The following AGBL4 variants were observed in gnomAD, a reference collection of about 807,000 sequenced individuals.
AGBL4 encodes AGBL carboxypeptidase 4, also known as cytosolic carboxypeptidase 6.
Under a neutral mutation model 66.4 loss-of-function variants are expected in AGBL4, and 58 were observed. That is an observed-to-expected ratio of 0.87 (90% CI 0.71 to 1.09). The LOEUF (loss-of-function observed/expected upper bound fraction) is 1.09, where lower values mean the gene tolerates loss of function less well. Ranked by LOEUF, AGBL4 falls within the 50% of genes least tolerant of loss-of-function variation. AGBL4 has a pLI of 0.00. For missense variants in AGBL4, 579 were observed against 631.0 expected, an observed-to-expected ratio of 0.92 and a Z score of 0.88; for synonymous variants, 234 against 222.9, an observed-to-expected ratio of 1.05 and a Z score of -0.44.
chr1:49,910,032 T>A (rs1481154750), intron 1 of AGBL4, among the ~76,000 whole-genome samples: 1 of 152,160 alleles, frequency 6.6e-6, no homozygotes, highest in Non-Finnish European at 1.5e-5. Flanking sequence ...TGTCGAGGCT[T>A]AAGGTATAAA....
chr1:48,876,522 C>T (rs527334057), intron 5 of AGBL4, among the ~76,000 whole-genome samples: 1 of 152,126 alleles, frequency 6.6e-6, no homozygotes, highest in Non-Finnish European at 1.5e-5. Flanking sequence ...CAAGAAGAGA[C>T]TGGTATTTCA....
intron 7 of AGBL4, among the ~76,000 whole-genome samples, chr1:48,655,071 C>T (rs1645998322): frequency 6.6e-6 from 1 of 152,216 alleles, no homozygotes; most frequent in African/African-American, 2.4e-5. Context: ...AATGGAGTAG[C>T]TCATTGTGAT....
intron 2 of AGBL4, among the ~76,000 whole-genome samples, chr1:49,720,944 A>G (rs926373752): frequency 1.3e-5 from 2 of 152,168 alleles, no homozygotes; most frequent in Non-Finnish European, 2.9e-5. Context: ...CATGTGACAG[A>G]ACACAGAGTA....
chr1:49,023,080 T>A (rs1326874069), intron 5 of AGBL4, among the ~76,000 whole-genome samples: 1 of 152,222 alleles, frequency 6.6e-6, no homozygotes, highest in African/African-American at 2.4e-5. Context: ...ATGGAGAATC[T>A]ATGTTGACCA....
At chr1:49,584,213 C>A (rs941976986) in intron 3 of AGBL4, among the ~76,000 whole-genome samples, 2 of 152,154 alleles carry the variant, frequency 1.3e-5, no homozygotes, top group African/African-American at 4.8e-5. Context: ...TGCTTTTTAT[C>A]AGGGCAGGAA....
At chr1:49,801,089 A>G (rs1286207497) in intron 2 of AGBL4, among the ~76,000 whole-genome samples, 4 of 152,168 alleles carry the variant, frequency 2.6e-5, no homozygotes, top group African/African-American at 9.7e-5. Context: ...CAGCCAAAAA[A>G]CACATGAAAA....
intron 1 of AGBL4, among the ~76,000 whole-genome samples, chr1:49,939,709 G>A (rs1349365349): frequency 1.3e-5 from 2 of 152,060 alleles, no homozygotes; most frequent in Non-Finnish European, 1.5e-5. Context: ...AATTCAAGAT[G>A]GATTAGACTT....
Position 48,742,664 on chromosome 1 carries a change from G to A in AGBL4, c.635-79423C>T. 1.9e-6 allele frequency: 3 copies of A among 1,609,412 alleles called. No homozygotes were observed. The South Asian group carries it at 3.3e-5, about 18-fold the overall frequency. ...ATATACTTGTCCATGACAGGCGCAG[G>A]AGCGGGGTAATAGGACGACGTATTT... On this transcript the variant is annotated intron_variant, in intron 6 of 13. Transcript: ENST00000371839.
chr1:49,999,463 C>G (rs1343753074), intron 1 of AGBL4, among the ~76,000 whole-genome samples: 1 of 152,046 alleles, frequency 6.6e-6, no homozygotes, highest in East Asian at 1.9e-4. Context: ...ATCCCGTGCT[C>G]ATGGATGCAT....
At chr1:49,806,780 C>T (rs1033583087) in intron 2 of AGBL4, among the ~76,000 whole-genome samples, 26 of 152,216 alleles carry the variant, frequency 1.7e-4, no homozygotes, top group African/African-American at 5.3e-4. Flanking sequence ...CAAAAAGGGG[C>T]CATAGGTGCC....
At chr1:48,980,175 C>A (rs1159185883) in intron 5 of AGBL4, among the ~76,000 whole-genome samples, 1 of 152,084 alleles carries the variant, frequency 6.6e-6, no homozygotes, top group Non-Finnish European at 1.5e-5. Context: ...TTATTCCTTG[C>A]AAAAATGCTG....
At chr1:49,298,423 G>A (rs1267387743) in intron 3 of AGBL4, among the ~76,000 whole-genome samples, 3 of 152,132 alleles carry the variant, frequency 2.0e-5, no homozygotes, top group African/African-American at 7.2e-5. Context: ...TGGATTCTAC[G>A]CCCCAGTCAA....
chr1:49,571,402 ACTT>A (rs1644328623), intron 3 of AGBL4, among the ~76,000 whole-genome samples: 1 of 152,084 alleles, frequency 6.6e-6, no homozygotes, highest in South Asian at 2.1e-4. Context: ...TAGAAATGCT[ACTT>A]CTTTTCGTAC....
intron 5 of AGBL4, among the ~76,000 whole-genome samples, chr1:48,975,058 A>G (rs188096987): frequency 6.6e-6 from 1 of 152,272 alleles, no homozygotes; most frequent in African/African-American, 2.4e-5. Flanking sequence ...AAATGCTGTA[A>G]AAGACACAGA....
rs1000678545 is a variant in AGBL4 at position 49,064,779 on chromosome 1, G to A, written c.378-18979C>T. ...AAGAAAAATTTGAATTTCATATATG[G>A]TCTTTGTACTCATTTACCTCTCTGA... On this transcript the variant is annotated intron_variant, in intron 4 of 13. Transcript: ENST00000371839. Among the ~76,000 whole-genome samples the A allele has an allele frequency of 3.0e-4, 45 of 152,130 alleles. 1 individual carries two copies. Among genetic ancestry groups the A allele is most frequent in the African/African-American group, 1.0e-3 (43 of 41,520 alleles).
chr1:49,747,912 A>C (rs778788925), intron 2 of AGBL4, among the ~76,000 whole-genome samples: 2 of 151,310 alleles, frequency 1.3e-5, no homozygotes, highest in Non-Finnish European at 2.9e-5. Flanking sequence ...GGTTATCCAA[A>C]GAAACAGAAC....
chr1:49,079,735 T>C (rs1330746598), intron 4 of AGBL4, among the ~76,000 whole-genome samples: 1 of 152,200 alleles, frequency 6.6e-6, no homozygotes, highest in Non-Finnish European at 1.5e-5. Flanking sequence ...AATGGTGGAA[T>C]TGAGTCTTGA....
intron 8 of AGBL4, among the ~76,000 whole-genome samples, chr1:48,645,770 A>G (rs1442478408): frequency 6.6e-6 from 1 of 152,178 alleles, no homozygotes; most frequent in Non-Finnish European, 1.5e-5. Flanking sequence ...CATCATCATC[A>G]CTATTACCAT....
chr1:48,829,994 G>C (rs1271692158), intron 6 of AGBL4, among the ~76,000 whole-genome samples: 2 of 152,148 alleles, frequency 1.3e-5, no homozygotes, highest in Non-Finnish European at 2.9e-5. Flanking sequence ...AGGAGGCCTA[G>C]AGACTCAACT....
Sources: gnomAD v4.1 joint callset for allele counts (sites outside exome capture counted in the v4.1 genomes callset) on GRCh38, gnomAD v4.1.1 for gene constraint, MANE v1.5 for transcripts, NCBI Gene and HGNC (gene_info 2026-07-23, HGNC 2026-07-21) for gene names.